SPHKAP: variants seen among roughly 807,000 people sequenced by gnomAD.
SPHKAP encodes A-kinase anchor protein SPHKAP.
In SPHKAP, 67 loss-of-function variants were observed where a neutral mutation model predicts 137.5. The ratio of observed to expected loss-of-function variants is 0.49; its 90% CI spans 0.40 to 0.60. The LOEUF (loss-of-function observed/expected upper bound fraction) is 0.60. SPHKAP is among the 20% of genes least tolerant of loss of function. SPHKAP has a pLI of 0.00. For synonymous variants in SPHKAP, 813 were observed against 785.3 expected (o/e 1.04, Z -0.59); for missense variants, 2,097 against 2,069.3 (o/e 1.01, Z -0.26).
intron 6 of SPHKAP, among the ~76,000 whole-genome samples, chr2:228,020,607 A>G (rs753021470): frequency 1.2e-4 from 19 of 152,130 alleles, no homozygotes; most frequent in Non-Finnish European, 1.6e-4. Context: ...TAGGAGATAT[A>G]CCTAATGTAA....
intron 3 of SPHKAP, among the ~76,000 whole-genome samples, chr2:228,058,440 G>A (rs1696521910): frequency 2.6e-5 from 4 of 152,034 alleles, no homozygotes; most frequent in Non-Finnish European, 5.9e-5. Context: ...ACATTTTACT[G>A]TACTCTGCTT....
At chr2:228,125,942 T>C (rs1457390780) in intron 2 of SPHKAP, among the ~76,000 whole-genome samples, 1 of 152,032 alleles carries the variant, frequency 6.6e-6, no homozygotes, top group Admixed American at 6.6e-5. Context: ...TAGCTGGGTG[T>C]CATGGCGTCC....
chr2:228,118,593 C>A (rs532325359), intron 2 of SPHKAP, among the ~76,000 whole-genome samples: 1 of 151,918 alleles, frequency 6.6e-6, no homozygotes, highest in African/African-American at 2.4e-5. Flanking sequence ...TATTTCTTTG[C>A]GGTTTGTTTT....
chr2:228,135,502 T>C (rs1009065254), intron 1 of SPHKAP, among the ~76,000 whole-genome samples: 33 of 152,188 alleles, frequency 2.2e-4, no homozygotes, highest in African/African-American at 7.5e-4. Flanking sequence ...ACCCAAAAGT[T>C]TAAGAACTGC....
intron 1 of SPHKAP, among the ~76,000 whole-genome samples, chr2:228,132,860 C>T (rs1209266051): frequency 9.9e-6 from 1 of 100,664 alleles, no homozygotes; most frequent in African/African-American, 3.4e-5. Context: ...AAAAATAAGC[C>T]AGGTGTGGTG....
At chr2:228,081,755 A>G (rs1370904320) in intron 3 of SPHKAP, among the ~76,000 whole-genome samples, 2 of 152,174 alleles carry the variant, frequency 1.3e-5, no homozygotes, top group Non-Finnish European at 2.9e-5. Context: ...AATTCATGTA[A>G]GTAGGGATTA....
chr2:228,140,656 C>G (rs907807028), intron 1 of SPHKAP, among the ~76,000 whole-genome samples: 26 of 151,984 alleles, frequency 1.7e-4, no homozygotes, highest in Non-Finnish European at 3.4e-4. Flanking sequence ...ATTATAATCC[C>G]CAGTATTAGA....
intron 7 of SPHKAP, among the ~76,000 whole-genome samples, chr2:227,999,742 G>A (rs1412932023): frequency 6.6e-6 from 1 of 152,112 alleles, no homozygotes; most frequent in Admixed American, 6.5e-5. Flanking sequence ...CACAACACTA[G>A]TTTTCATTTT....
intron 1 of SPHKAP, 136 bp from the exon 2 acceptor site, chr2:228,132,221 G>C (rs1007440485): frequency 1.3e-6 from 1 of 741,154 alleles, no homozygotes; most frequent in African/African-American, 1.7e-5. Flanking sequence ...AAATCCCCCT[G>C]CTGAAATGGA....
intron 11 of SPHKAP, among the ~76,000 whole-genome samples, chr2:227,988,949 A>G (rs1367333170): frequency 6.6e-6 from 1 of 152,220 alleles, no homozygotes; most frequent in East Asian, 1.9e-4. Context: ...AGGCAGACAT[A>G]GGCATGAAGG....
At chr2:228,028,623 A>G (rs1170358214) in intron 3 of SPHKAP, among the ~76,000 whole-genome samples, 2 of 152,170 alleles carry the variant, frequency 1.3e-5, no homozygotes, top group African/African-American at 2.4e-5. Flanking sequence ...ATACTTAATG[A>G]TTGTGTTTCA....
chr2:228,045,453 A>G (rs1270586740), intron 3 of SPHKAP, among the ~76,000 whole-genome samples: 1 of 148,422 alleles, frequency 6.7e-6, no homozygotes, highest in Non-Finnish European at 1.5e-5. Flanking sequence ...TTGTAGGGAC[A>G]TGGATGAAGC....
At chr2:228,164,626 T>C (rs1700368292) in intron 1 of SPHKAP, among the ~76,000 whole-genome samples, 1 of 152,222 alleles carries the variant, frequency 6.6e-6, no homozygotes, top group Admixed American at 6.5e-5. Flanking sequence ...TGACATCACA[T>C]TGTTTTTAGG....
intron 3 of SPHKAP, among the ~76,000 whole-genome samples, chr2:228,056,583 C>CAAAAAAAA (rs35406042): frequency 1.7e-5 from 2 of 118,140 alleles, no homozygotes; most frequent in Non-Finnish European, 1.9e-5. Context: ...AGTAAATGAG[C>CAAAAAAAA]AAAAAAAAAA....
chr2:228,033,257 T>C (rs188160949), intron 3 of SPHKAP, among the ~76,000 whole-genome samples: 4 of 151,810 alleles, frequency 2.6e-5, no homozygotes, highest in Non-Finnish European at 2.9e-5. Flanking sequence ...GACTTTAAAC[T>C]AACAAAGATC....
At chr2:228,113,268 A>G (rs1414323477) in intron 2 of SPHKAP, among the ~76,000 whole-genome samples, 3 of 152,158 alleles carry the variant, frequency 2.0e-5, no homozygotes, top group Admixed American at 2.0e-4. Context: ...AAATAGTAGT[A>G]CATTTATTGA....
intron 2 of SPHKAP, among the ~76,000 whole-genome samples, chr2:228,110,733 C>T (rs902327298): frequency 1.2e-4 from 18 of 152,220 alleles, no homozygotes; most frequent in Non-Finnish European, 2.2e-4. Context: ...GCAGCTAGGA[C>T]AGCTCAGCTG....
intron 1 of SPHKAP, among the ~76,000 whole-genome samples, chr2:228,154,504 C>CTATATA (rs1559203866): frequency 1.1e-3 from 30 of 28,064 alleles, no homozygotes; most frequent in Middle Eastern, 0.033. Flanking sequence ...CTCTCTCTCT[C>CTATATA]TCTCTCTCTA....
intron 3 of SPHKAP, among the ~76,000 whole-genome samples, chr2:228,074,175 A>G (rs1697097892): frequency 6.6e-6 from 1 of 152,222 alleles, no homozygotes; most frequent in South Asian, 2.1e-4. Context: ...AGTGTTTGCA[A>G]TGCAAAAAAT....
Sources: gnomAD v4.1 joint callset for allele counts (sites outside exome capture counted in the v4.1 genomes callset) on GRCh38, gnomAD v4.1.1 for gene constraint, MANE v1.5 for transcripts, NCBI Gene and HGNC (gene_info 2026-07-23, HGNC 2026-07-21) for gene names.